Variants in ZNF385D observed in about 807,000 individuals in gnomAD.
ZNF385D encodes zinc finger protein 385D.
A neutral mutation model predicts 35.8 loss-of-function variants in ZNF385D; 15 were observed. The ratio of observed to expected loss-of-function variants is 0.42; its 90% CI spans 0.28 to 0.64. The LOEUF (loss-of-function observed/expected upper bound fraction) is 0.64, where lower values mean the gene tolerates loss of function less well. Ranked by LOEUF, ZNF385D falls within the 30% of genes least tolerant of loss-of-function variation. The probability of loss-of-function intolerance (pLI) is 0.23; values close to 1 mark genes in which losing one functional copy is unlikely to be tolerated. For missense variants in ZNF385D, 474 were observed against 494.6 expected (o/e 0.96, Z 0.39); for synonymous variants, 212 against 186.8 (o/e 1.13, Z -1.10).
intron 2 of ZNF385D, among the ~76,000 whole-genome samples, chr3:21,623,448 T>C (rs982349916): frequency 1.3e-4 from 19 of 151,982 alleles, no homozygotes; most frequent in African/African-American, 4.3e-4. Context: ...TTTGAAACCA[T>C]CCTGGACAAC....
At chr3:21,884,642 TTAC>T (rs1161874108) in intron 3 of ZNF385D, among the ~76,000 whole-genome samples, 2 of 152,062 alleles carry the variant, frequency 1.3e-5, no homozygotes, top group African/African-American at 4.8e-5. Context: ...GGTTCTTATT[TTAC>T]TACATTTTAC....
At chr3:21,536,938 T>C (rs990547285) in intron 3 of ZNF385D, among the ~76,000 whole-genome samples, 5 of 151,940 alleles carry the variant, frequency 3.3e-5, no homozygotes, top group East Asian at 3.9e-4. Flanking sequence ...AGAGTGAGCC[T>C]GGTGCACTCA....
At chr3:21,804,067 G>A (rs945718970) in intron 3 of ZNF385D, among the ~76,000 whole-genome samples, 1 of 152,180 alleles carries the variant, frequency 6.6e-6, no homozygotes, top group South Asian at 2.1e-4. Context: ...TTTTATAGAG[G>A]TGTAAATTAT....
At chr3:21,625,211 T>A (rs1271310339) in intron 2 of ZNF385D, among the ~76,000 whole-genome samples, 1 of 152,054 alleles carries the variant, frequency 6.6e-6, no homozygotes, top group Non-Finnish European at 1.5e-5. Flanking sequence ...TGATTCCAAT[T>A]TTAAGGTCAG....
intron 4 of ZNF385D, among the ~76,000 whole-genome samples, chr3:21,469,343 A>G (rs550489267): frequency 2.8e-4 from 43 of 152,308 alleles, no homozygotes; most frequent in African/African-American, 9.1e-4. Flanking sequence ...GAGTCCTCTC[A>G]CAACCTGCAG....
intron 3 of ZNF385D, among the ~76,000 whole-genome samples, chr3:22,121,936 G>C (rs1041362262): frequency 6.6e-6 from 1 of 152,024 alleles, no homozygotes; most frequent in African/African-American, 2.4e-5. Flanking sequence ...TCTTAAGACA[G>C]ACAGATCAAG....
chr3:22,336,908 T>TAAAAAAA lies in ZNF385D; in HGVS notation c.106+35541_106+35542insTTTTTTT, dbSNP rs1559527421. The stretch of plus-strand genomic sequence containing the variant: ...AAACCACTATGCAAACAGTGATTTT[T>TAAAAAAA]CAAAAAAAAAAAAAAAAAAAAAAAA... On this transcript the variant is annotated intron_variant, in intron 2 of 5. Coordinates refer to the ZNF385D transcript ENST00000494108. 2.9e-3 allele frequency among the ~76,000 whole-genome samples: 3 copies of TAAAAAAA among 1,052 alleles called. 1 individual carries two copies. The highest frequency in any genetic ancestry group is 5.4e-3 in the Non-Finnish European group (1 of 184). 0.7% of individuals were successfully genotyped at this position (1,052 alleles called of 152,430 possible). A position where few individuals can be genotyped will look rare whatever the true frequency, so the allele number is the denominator to read the frequency against.
chr3:22,167,335 C>G (rs1706401015), intron 3 of ZNF385D, among the ~76,000 whole-genome samples: 1 of 152,190 alleles, frequency 6.6e-6, no homozygotes, highest in Non-Finnish European at 1.5e-5. Flanking sequence ...AGCATGTACT[C>G]TCCTATTCTG....
intron 2 of ZNF385D, among the ~76,000 whole-genome samples, chr3:21,629,022 C>T (rs1214189193): frequency 6.6e-6 from 1 of 152,074 alleles, no homozygotes; most frequent in South Asian, 2.1e-4. Flanking sequence ...CTCTGGCAAC[C>T]AATACTGACC....
intron 3 of ZNF385D, among the ~76,000 whole-genome samples, chr3:22,161,717 A>ATT (rs1705964099): frequency 6.6e-6 from 1 of 152,194 alleles, no homozygotes; most frequent in Non-Finnish European, 1.5e-5. Flanking sequence ...TGACTATTTT[A>ATT]TTCGGCACAA....
chr3:22,112,002 A>G (rs989619799), intron 3 of ZNF385D, among the ~76,000 whole-genome samples: 5 of 152,146 alleles, frequency 3.3e-5, no homozygotes, highest in Non-Finnish European at 7.4e-5. Context: ...ATATGCATAA[A>G]TTAATCAGAC....
chr3:21,724,501 A>T (rs1166075196), intron 1 of ZNF385D, among the ~76,000 whole-genome samples: 11 of 97,814 alleles, frequency 1.1e-4, no homozygotes, highest in African/African-American at 3.0e-4. Flanking sequence ...AAAAAAAAAA[A>T]AAAAAAAAAA....
At chr3:21,891,843 TC>T (rs1347020499) in intron 3 of ZNF385D, among the ~76,000 whole-genome samples, 1 of 152,150 alleles carries the variant, frequency 6.6e-6, no homozygotes. Flanking sequence ...TTATACTAAT[TC>T]CCCCAATTCA....
chr3:21,755,415 C>A (rs2125568934), upstream of ZNF385D, among the ~76,000 whole-genome samples: 1 of 152,310 alleles, frequency 6.6e-6, no homozygotes, highest in African/African-American at 2.4e-5. Flanking sequence ...TTTGTAAATA[C>A]TTTGTCCTTC....
chr3:22,260,172 A>T (rs1700549482), intron 2 of ZNF385D, among the ~76,000 whole-genome samples: 2 of 152,036 alleles, frequency 1.3e-5, no homozygotes, highest in African/African-American at 4.8e-5. Context: ...ATAATATTCT[A>T]ATTAAAAATT....
intron 3 of ZNF385D, among the ~76,000 whole-genome samples, chr3:21,999,785 T>A (rs796447845): frequency 0.12 from 17,573 of 141,404 alleles, 1,231 homozygotes; most frequent in Non-Finnish European, 0.16. Flanking sequence ...AAAAAAAAAA[T>A]AATAATAATG....
intron 2 of ZNF385D, among the ~76,000 whole-genome samples, chr3:21,580,523 A>T (rs2063624466): frequency 6.6e-6 from 1 of 152,178 alleles, no homozygotes; most frequent in Non-Finnish European, 1.5e-5. Flanking sequence ...AATTGTGGGC[A>T]GTACCTAAGC....
chr3:22,357,276 T>C (rs1445385207), intron 2 of ZNF385D, among the ~76,000 whole-genome samples: 1 of 151,916 alleles, frequency 6.6e-6, no homozygotes, highest in African/African-American at 2.4e-5. Flanking sequence ...TGAATTATAG[T>C]AATAAATGCA....
rs548363932 is a variant in ZNF385D, at chr3:21,421,928, A to C, written c.955-481T>G. On this transcript the variant is annotated intron_variant, in intron 7 of 7. Transcript: ENST00000281523. ...GGTACTATTCAAAATAAATAAAAACAATAAAATTCCACTTTCAACTGAGAA... is the reference window on the plus strand; with the variant it reads ...GGTACTATTCAAAATAAATAAAAACCATAAAATTCCACTTTCAACTGAGAA... 7.2e-5 allele frequency among the ~76,000 whole-genome samples: 11 copies of C among 152,354 alleles called. No individual in the cohort carries two copies. The East Asian group carries it at 2.1e-3, about 29-fold the overall frequency.
Sources: gnomAD v4.1 joint callset for allele counts (sites outside exome capture counted in the v4.1 genomes callset) on GRCh38, gnomAD v4.1.1 for gene constraint, MANE v1.5 for transcripts, NCBI Gene and HGNC (gene_info 2026-07-23, HGNC 2026-07-21) for gene names.